Variants in SLC35E1 observed in about 807,000 individuals in gnomAD.
SLC35E1 encodes the protein solute carrier family 35 member E1.
SLC35E1 carries 12 observed loss-of-function variants against 31.0 expected under a neutral mutation model. The ratio of observed to expected loss-of-function variants is 0.39; its 90% CI spans 0.25 to 0.63. SLC35E1 has a LOEUF of 0.63. Among genes scored for constraint, SLC35E1 ranks in the 20% least tolerant of loss-of-function variants. SLC35E1 has a pLI of 0.52. For synonymous variants in SLC35E1, 257 were observed against 264.1 expected, an observed-to-expected ratio of 0.97 and a Z score of 0.26; for missense variants, 429 against 572.2, an observed-to-expected ratio of 0.75 and a Z score of 2.55.
chr19:16,570,015 C>G (rs1293781209), intron 2 of SLC35E1, among the ~76,000 whole-genome samples: 1 of 152,218 alleles, frequency 6.6e-6, no homozygotes, highest in Non-Finnish European at 1.5e-5. Context: ...CTCAGGAAAA[C>G]CTGAGATCAG....
intron 2 of SLC35E1, 152 bp from the exon 3 acceptor site, chr19:16,568,321 G>C (rs2085941902): frequency 9.0e-7 from 1 of 1,112,958 alleles, no homozygotes; most frequent in East Asian, 2.8e-5. Context: ...GTGACGCTCT[G>C]GTGGGTGGCT....
Position 16,553,445 on chromosome 19 carries a change from A to C in SLC35E1, c.*234T>G, listed in dbSNP as rs988480266. On this transcript the variant is annotated 3_prime_UTR_variant, in exon 6 of 6. Coordinates refer to ENST00000595753, the MANE Select transcript of SLC35E1 (RefSeq NM_024881.5). ...CTCAGATGACAGACTCCAGGAAGAA[A>C]GAGCATGAGACACTGGTCTCTGTTT... 8.3e-6 allele frequency: 3 copies of C among 360,698 alleles called. No individual in the cohort carries two copies. The highest frequency in any genetic ancestry group is 6.3e-5 in the African/African-American group (3 of 47,928). 22.3% of individuals were successfully genotyped at this position (360,698 alleles called of 1,614,324 possible). A position where few individuals can be genotyped will look rare whatever the true frequency, so the allele number is the denominator to read the frequency against.
chr19:16,566,301 T>C, intron 4 of SLC35E1: 1 of 527,550 alleles, frequency 1.9e-6, no homozygotes, highest in African/African-American at 1.9e-5. Flanking sequence ...ACACAGCAGC[T>C]ATCAGCACCT....
chr19:16,560,486 G>A (rs2085899060), intron 4 of SLC35E1, among the ~76,000 whole-genome samples: 1 of 152,148 alleles, frequency 6.6e-6, no homozygotes, highest in South Asian at 2.1e-4. Flanking sequence ...GGTGGCTGTG[G>A]AACCTGCTGC....
At chr19:16,561,085 G>GTGCC (rs1348047086) in intron 4 of SLC35E1, among the ~76,000 whole-genome samples, 1 of 149,674 alleles carries the variant, frequency 6.7e-6, no homozygotes, top group African/African-American at 2.4e-5. Flanking sequence ...ATGATGGCAT[G>GTGCC]TGCCTGTAAT....
At chr19:16,556,949 C>T (rs11882657) in intron 4 of SLC35E1, 12,793 of 471,458 alleles carry the variant, frequency 0.027, 799 homozygotes, top group Admixed American at 0.15. Context: ...GCAGCTTCTG[C>T]GGGGAACCTC....
At chr19:16,571,894 C>T in intron 1 of SLC35E1, 50 bp downstream of exon 1, 1 of 1,519,108 alleles carries the variant, frequency 6.6e-7, no homozygotes, top group Non-Finnish European at 8.8e-7. Flanking sequence ...GCGCCCAAAC[C>T]CGAAGCGGCG....
intron 4 of SLC35E1, among the ~76,000 whole-genome samples, chr19:16,560,168 C>A (rs2085897374): frequency 1.3e-5 from 2 of 152,176 alleles, no homozygotes; most frequent in South Asian, 4.1e-4. Flanking sequence ...CTCATCCTCA[C>A]ATGTGTGACG....
Position 16,559,223 on chromosome 19 carries a change from G to C in SLC35E1, c.757-3826C>G, listed in dbSNP as rs552801531. The stretch of plus-strand genomic sequence containing the variant: ...CCCAGTTGCTCGGGAGGCTGAGGTA[G>C]GAGAATCACTTGAGCCTGGGAGGCA... On this transcript the variant is annotated intron_variant, in intron 4 of 5. Transcript: ENST00000595753. Among the ~76,000 whole-genome samples, 329 of 152,166 alleles carry C rather than the reference G, an allele frequency of 2.2e-3. 1 individual carries two copies. Among genetic ancestry groups the C allele is most frequent in the African/African-American group, 7.8e-3 (322 of 41,548 alleles).
chr19:16,565,677 C>T (rs1050631024), intron 4 of SLC35E1: 1 of 153,044 alleles, frequency 6.5e-6, no homozygotes, highest in Non-Finnish European at 1.5e-5. Context: ...GCCACCATGC[C>T]TGGCTAATTT....
chr19:16,555,679 C>G lies in SLC35E1; in HGVS notation c.757-282G>C, dbSNP rs1282680256. On this transcript the variant is annotated intron_variant, in intron 4 of 5. Coordinates refer to ENST00000595753, the MANE Select transcript of SLC35E1 (RefSeq NM_024881.5). This position sits in a 1 kb window ranked among gnomAD's most constrained non-coding sequence, Gnocchi z 4.1. Reference sequence around the variant, plus strand: ...AAAGGGCACCAAGCAAGACGTAAGCCAAAGCCTTCCCTGGCAGTGAACAGC... The same window carrying G: ...AAAGGGCACCAAGCAAGACGTAAGCGAAAGCCTTCCCTGGCAGTGAACAGC... 9.7e-6 allele frequency: 4 copies of G among 411,324 alleles called. No individual in the cohort carries two copies. The highest frequency in any genetic ancestry group is 1.8e-5 in the Non-Finnish European group (4 of 224,844). The allele number at this position is 411,324 out of a possible 1,614,324, so 25.5% of individuals were successfully genotyped here.
At chr19:16,571,407 G>A in intron 2 of SLC35E1, 105 bp downstream of exon 2, 1 of 1,209,748 alleles carries the variant, frequency 8.3e-7, no homozygotes, top group South Asian at 1.2e-5. Flanking sequence ...TATTTGACGG[G>A]AAGCCAGGCA....
At chr19:16,570,673 G>A (rs866582540) in intron 2 of SLC35E1, among the ~76,000 whole-genome samples, 1 of 152,138 alleles carries the variant, frequency 6.6e-6, no homozygotes, top group African/African-American at 2.4e-5. Context: ...TTTCGCTTCC[G>A]TTCCCAGACC....
intron 4 of SLC35E1, chr19:16,565,372 G>A (rs1761901590): frequency 3.2e-6 from 1 of 313,388 alleles, no homozygotes; most frequent in Admixed American, 4.5e-5. Flanking sequence ...CACCACGCCT[G>A]GCTAATTTTG....
intron 5 of SLC35E1, among the ~76,000 whole-genome samples, chr19:16,554,566 A>G (rs568222488): frequency 1.3e-5 from 2 of 152,214 alleles, no homozygotes; most frequent in South Asian, 2.1e-4. Context: ...CATGCCTGTA[A>G]TCCCTACACT....
intron 3 of SLC35E1, 41 bp from the exon 4 acceptor site, chr19:16,566,698 A>G: frequency 6.3e-7 from 1 of 1,588,372 alleles, no homozygotes; most frequent in Non-Finnish European, 8.6e-7. Flanking sequence ...TTAAAACTAT[A>G]TGTGGCAAAA....
chr19:16,567,234 T>A lies in SLC35E1; in HGVS notation c.631-577A>T, dbSNP rs900895877. Among the ~76,000 whole-genome samples, 29 of 152,332 alleles carry A rather than the reference T, an allele frequency of 1.9e-4. No homozygotes were observed. The Middle Eastern group carries it at 0.01, about 54-fold the overall frequency. On this transcript the variant is annotated intron_variant, in intron 3 of 5. Transcript: ENST00000595753. ...CTCACTCTATTCCTATTGCCTAGGCTGGTCTCGAACTCCTAGCCTCAAGTG... is the reference window on the plus strand; with the variant it reads ...CTCACTCTATTCCTATTGCCTAGGCAGGTCTCGAACTCCTAGCCTCAAGTG...
chr19:16,554,977 A>G (rs2085868073), intron 5 of SLC35E1, among the ~76,000 whole-genome samples, 175 bp downstream of exon 5: 1 of 152,186 alleles, frequency 6.6e-6, no homozygotes, highest in Non-Finnish European at 1.5e-5. Flanking sequence ...GAGGTTGCCT[A>G]TGCAGGAAAA....
intron 5 of SLC35E1, among the ~76,000 whole-genome samples, chr19:16,554,820 G>GA (rs59402960): frequency 0.16 from 9,716 of 59,604 alleles, 631 homozygotes; most frequent in Non-Finnish European, 0.18. Context: ...ACTCCATCTC[G>GA]AAAAAAAAAA....
Sources: allele counts gnomAD v4.1 joint callset (sites outside exome capture counted in the v4.1 genomes callset), GRCh38; gene constraint gnomAD v4.1.1; non-coding constraint Gnocchi (gnomAD v3.1); transcripts MANE v1.5; gene names NCBI Gene and HGNC (gene_info 2026-07-23, HGNC 2026-07-21).